CCDC93: variants seen among roughly 807,000 people sequenced by gnomAD.
The protein encoded by CCDC93 is CCC complex scaffolding subunit CCDC93, also known as coiled-coil domain-containing protein 93.
A neutral mutation model predicts 108.2 loss-of-function variants in CCDC93; 61 were observed. That is an observed-to-expected ratio of 0.56 (90% CI 0.46 to 0.70). CCDC93 has a LOEUF of 0.70. Among genes scored for constraint, CCDC93 ranks in the 30% least tolerant of loss-of-function variants. The pLI, the probability that CCDC93 is intolerant of heterozygous loss-of-function variation, is 0.00. For synonymous variants in CCDC93, 276 were observed against 260.4 expected (o/e 1.06, Z -0.58); for missense variants, 685 against 764.2 (o/e 0.90, Z 1.22).
At chr2:117,952,346 C>T in intron 13 of CCDC93, 27 bp downstream of exon 13, 2 of 1,515,138 alleles carry the variant, frequency 1.3e-6, no homozygotes, top group Non-Finnish European at 1.8e-6. Context: ...CAAGGGCCCA[C>T]AGAAGAAGGA....
chr2:118,007,010 C>A (rs140984633), intron 2 of CCDC93, among the ~76,000 whole-genome samples, 194 bp from the exon 3 acceptor site: 1 of 149,918 alleles, frequency 6.7e-6, no homozygotes, highest in African/African-American at 2.4e-5. Context: ...TTACAGAAAA[C>A]TTTCTGCAGT....
chr2:117,999,081 AACTT>A (rs1470886410), intron 4 of CCDC93: 1 of 152,192 alleles, frequency 6.6e-6, no homozygotes, highest in Non-Finnish European at 1.5e-5. Context: ...ACATACAACT[AACTT>A]AATTCTCATC....
At chr2:117,954,863 T>C (rs1679168056) in intron 12 of CCDC93, among the ~76,000 whole-genome samples, 2 of 152,184 alleles carry the variant, frequency 1.3e-5, no homozygotes, top group African/African-American at 4.8e-5. Flanking sequence ...GGAGAACTGA[T>C]GGTTTTATAG....
intron 13 of CCDC93, chr2:117,951,637 G>A (rs566587958): frequency 9.3e-5 from 93 of 1,000,132 alleles, no homozygotes; most frequent in Admixed American, 4.3e-4. Context: ...TCCATAGTAC[G>A]GCTATAGTCC....
intron 4 of CCDC93, chr2:117,998,347 G>C (rs1680733123): frequency 6.6e-6 from 1 of 152,130 alleles, no homozygotes; most frequent in African/African-American, 2.4e-5. Flanking sequence ...AACAAAAACA[G>C]GCAAAAGCTA....
intron 23 of CCDC93, among the ~76,000 whole-genome samples, chr2:117,922,101 T>A (rs1189702352): frequency 6.6e-6 from 1 of 152,162 alleles, no homozygotes; most frequent in Non-Finnish European, 1.5e-5. Flanking sequence ...GTATATTTTT[T>A]AAGATTTCCA....
intron 23 of CCDC93, among the ~76,000 whole-genome samples, chr2:117,922,239 T>C (rs989303745): frequency 6.6e-6 from 1 of 152,192 alleles, no homozygotes; most frequent in African/African-American, 2.4e-5. Context: ...GCGATGCTTG[T>C]ACTTTTCGGT....
At chr2:118,001,085 G>C in intron 3 of CCDC93, 153 bp from the exon 4 acceptor site, 1 of 574,728 alleles carries the variant, frequency 1.7e-6, no homozygotes. Flanking sequence ...ACTGCAAAAT[G>C]AGAAAAATAA....
chr2:117,949,684 A>C, intron 13 of CCDC93: 2 of 854,644 alleles, frequency 2.3e-6, no homozygotes, highest in Non-Finnish European at 2.8e-6. Flanking sequence ...TACGATGTGA[A>C]TGTGTTACTT....
At chr2:117,995,413 A>T (rs1367142989) in intron 6 of CCDC93, 33 bp downstream of exon 6, 1 of 1,531,258 alleles carries the variant, frequency 6.5e-7, no homozygotes, top group South Asian at 1.1e-5. Context: ...GCTACGCAGG[A>T]CTCTGACAGA....
chr2:117,925,850 T>C (rs898168241), intron 23 of CCDC93, among the ~76,000 whole-genome samples: 11 of 152,162 alleles, frequency 7.2e-5, no homozygotes, highest in African/African-American at 1.9e-4. Flanking sequence ...TATTCCAAAA[T>C]TGACCACATA....
At chr2:117,936,485 A>G in intron 21 of CCDC93, 1 of 490,324 alleles carries the variant, frequency 2.0e-6, no homozygotes, top group Non-Finnish European at 3.7e-6. Context: ...TTTTTTCGTC[A>G]GCTCTTCCTT....
intron 17 of CCDC93, among the ~76,000 whole-genome samples, chr2:117,944,580 T>A (rs1191110635): frequency 6.6e-6 from 1 of 152,172 alleles, no homozygotes; most frequent in Non-Finnish European, 1.5e-5. Context: ...AACTAGTCCC[T>A]CATTGAACCC....
At chr2:117,950,708 C>T (rs7578387) in intron 13 of CCDC93, 357,443 of 985,038 alleles carry the variant, frequency 0.36, 66,151 homozygotes, top group African/African-American at 0.49. Context: ...ACATTAATTA[C>T]GCACAGGCTG....
chr2:117,963,039 C>G (rs1009085976), intron 11 of CCDC93, among the ~76,000 whole-genome samples: 1 of 152,126 alleles, frequency 6.6e-6, no homozygotes, highest in Non-Finnish European at 1.5e-5. Context: ...TGAAGTATCC[C>G]CAGGTGCTTG....
At chr2:117,983,805 C>T (rs1680232918) in intron 7 of CCDC93, among the ~76,000 whole-genome samples, 1 of 152,042 alleles carries the variant, frequency 6.6e-6, no homozygotes, top group South Asian at 2.1e-4. Flanking sequence ...AGAACACACA[C>T]TTGTTGGGGC....
At chr2:117,938,055 C>G (rs1009445906) in intron 20 of CCDC93, among the ~76,000 whole-genome samples, 5 of 152,076 alleles carry the variant, frequency 3.3e-5, no homozygotes, top group Admixed American at 2.6e-4. Flanking sequence ...AAAATGAAAA[C>G]ACATTCTATC....
intron 4 of CCDC93, chr2:117,999,504 G>C (rs1406792759): frequency 6.6e-6 from 1 of 152,212 alleles, no homozygotes. Flanking sequence ...ATGGGAAGTA[G>C]TGTTCACACA....
chr2:117,975,742 T>C (rs1336950793), intron 8 of CCDC93, among the ~76,000 whole-genome samples: 1 of 152,222 alleles, frequency 6.6e-6, no homozygotes, highest in Non-Finnish European at 1.5e-5. Flanking sequence ...TAGGTACTGC[T>C]TACTGAAACT....
Sources: gnomAD v4.1 joint callset for allele counts (sites outside exome capture counted in the v4.1 genomes callset) on GRCh38, gnomAD v4.1.1 for gene constraint, MANE v1.5 for transcripts, NCBI Gene and HGNC (gene_info 2026-07-23, HGNC 2026-07-21) for gene names.